RBFOX1: variants seen among roughly 807,000 people sequenced by gnomAD.
RBFOX1 encodes the protein RNA binding fox-1 homolog 1.
A neutral mutation model predicts 57.7 loss-of-function variants in RBFOX1; 8 were observed. The ratio of observed to expected loss-of-function variants is 0.14; its 90% CI spans 0.08 to 0.25. The LOEUF (loss-of-function observed/expected upper bound fraction) is 0.25, where lower values mean the gene tolerates loss of function less well. Ranked by LOEUF, RBFOX1 falls within the 10% of genes least tolerant of loss-of-function variation. The pLI is 1.00. For synonymous variants in RBFOX1, 326 were observed against 222.4 expected, an observed-to-expected ratio of 1.47 and a Z score of -4.15; for missense variants, 611 against 548.5, an observed-to-expected ratio of 1.11 and a Z score of -1.14.
At chr16:5,773,173 G>A (rs546378460) in intron 3 of RBFOX1, among the ~76,000 whole-genome samples, 2 of 152,310 alleles carry the variant, frequency 1.3e-5, no homozygotes, top group South Asian at 4.1e-4. Flanking sequence ...TATGCTGAAG[G>A]TAGACTTCAG....
At chr16:5,505,335 C>A (rs1205067950) in intron 2 of RBFOX1, among the ~76,000 whole-genome samples, 2 of 152,168 alleles carry the variant, frequency 1.3e-5, no homozygotes, top group Non-Finnish European at 2.9e-5. Flanking sequence ...CTGCTTGGTG[C>A]CTGTCGTCTT....
chr16:6,898,355 G>C (rs2067496424), intron 3 of RBFOX1, among the ~76,000 whole-genome samples: 1 of 152,146 alleles, frequency 6.6e-6, no homozygotes, highest in African/African-American at 2.4e-5. Context: ...AGAGCAGTCA[G>C]AGGTGAAGGC....
intron 9 of RBFOX1, among the ~76,000 whole-genome samples, chr16:7,602,091 T>C (rs764517084): frequency 1.3e-5 from 2 of 152,232 alleles, no homozygotes; most frequent in African/African-American, 2.4e-5. Context: ...TTCTTTGATA[T>C]GTAACCCAGC....
At chr16:6,002,941 A>G (rs1006586359) in intron 4 of RBFOX1, among the ~76,000 whole-genome samples, 6 of 152,146 alleles carry the variant, frequency 3.9e-5, no homozygotes, top group African/African-American at 1.4e-4. Flanking sequence ...AAGGTTGTAG[A>G]TCCTCTGACA....
At chr16:5,252,746 A>G (rs1350899028) in intron 1 of RBFOX1, among the ~76,000 whole-genome samples, 2 of 152,194 alleles carry the variant, frequency 1.3e-5, no homozygotes, top group Non-Finnish European at 2.9e-5. Context: ...GCCAGACAAG[A>G]TGGCAAACAG....
intron 10 of RBFOX1, among the ~76,000 whole-genome samples, chr16:7,621,677 G>A (rs530484477): frequency 6.6e-6 from 1 of 152,248 alleles, no homozygotes; most frequent in East Asian, 1.9e-4. Context: ...TAATTTTTTG[G>A]CAAGTATTGA....
chr16:7,407,478 G>C (rs2098365157), intron 4 of RBFOX1, among the ~76,000 whole-genome samples: 1 of 151,966 alleles, frequency 6.6e-6, no homozygotes, highest in Non-Finnish European at 1.5e-5. Flanking sequence ...AGACAGGTAT[G>C]ATTATCATCA....
intron 4 of RBFOX1, among the ~76,000 whole-genome samples, chr16:7,114,835 A>C (rs999428540): frequency 2.0e-5 from 3 of 152,184 alleles, no homozygotes; most frequent in Admixed American, 2.0e-4. Context: ...GTTTTCATGA[A>C]GCCAAATCGT....
intron 3 of RBFOX1, among the ~76,000 whole-genome samples, chr16:5,704,096 G>A (rs775598799): frequency 1.3e-5 from 2 of 152,126 alleles, no homozygotes; most frequent in Admixed American, 6.5e-5. Flanking sequence ...TGAACTGCTT[G>A]TTGGGCCAGT....
chr16:6,689,630 C>A (rs1314862632), intron 3 of RBFOX1, among the ~76,000 whole-genome samples: 1 of 152,110 alleles, frequency 6.6e-6, no homozygotes, highest in African/African-American at 2.4e-5. Flanking sequence ...TTTATATCTT[C>A]CTGAATGTAG....
At chr16:7,443,366 C>T (rs2098784127) in intron 4 of RBFOX1, among the ~76,000 whole-genome samples, 1 of 151,932 alleles carries the variant, frequency 6.6e-6, no homozygotes, top group African/African-American at 2.4e-5. Flanking sequence ...TCCTGTCTCA[C>T]ACACTCTCTT....
intron 14 of RBFOX1, among the ~76,000 whole-genome samples, chr16:7,699,543 G>A (rs954244443): frequency 6.6e-6 from 1 of 152,134 alleles, no homozygotes; most frequent in African/African-American, 2.4e-5. Context: ...ACTTGCTAAA[G>A]TTGTGTTCAC....
At chr16:5,664,504 A>C (rs573143676) in intron 3 of RBFOX1, among the ~76,000 whole-genome samples, 5 of 152,226 alleles carry the variant, frequency 3.3e-5, no homozygotes, top group Non-Finnish European at 7.4e-5. Flanking sequence ...CCGAGATTGC[A>C]TCACTGCACT....
At chr16:7,111,117 C>T (rs1190932897) in intron 4 of RBFOX1, among the ~76,000 whole-genome samples, 1 of 152,166 alleles carries the variant, frequency 6.6e-6, no homozygotes, top group Non-Finnish European at 1.5e-5. Context: ...TGGCCAATCT[C>T]ATTTTCCTAC....
At chr16:5,885,735 G>A (rs1173734811) in intron 4 of RBFOX1, among the ~76,000 whole-genome samples, 1 of 152,138 alleles carries the variant, frequency 6.6e-6, no homozygotes, top group Non-Finnish European at 1.5e-5. Context: ...TTTAGAGGCA[G>A]GAAGTGATTT....
At chr16:7,592,232 TAAAA>T (rs557513867) in intron 7 of RBFOX1, among the ~76,000 whole-genome samples, 1,938 of 152,242 alleles carry the variant, frequency 0.013, 32 homozygotes, top group Non-Finnish European at 0.02. Context: ...ATGAGAATAA[TAAAA>T]AAGAATGTAT....
intron 1 of RBFOX1, among the ~76,000 whole-genome samples, chr16:5,386,662 G>A (rs975467679): frequency 1.3e-5 from 2 of 151,960 alleles, no homozygotes; most frequent in Non-Finnish European, 1.5e-5. Context: ...CTTTACCCCC[G>A]GCAGACTCCC....
rs1034282979 is a variant in RBFOX1 at position 7,493,122 on chromosome 16, G to A, written c.28-25025G>A. 3.9e-5 allele frequency among the ~76,000 whole-genome samples: 6 copies of A among 152,092 alleles called. 1 individual carries two copies. The South Asian group carries it at 6.2e-4, about 16-fold the overall frequency. ...TCAAACTCCTGACCTTAGGGGATTC[G>A]CCCGCCTCTGCCTCCCAAAGTGCTG... On this transcript the variant is annotated intron_variant, in intron 4 of 15. Transcript: ENST00000550418.
chr16:6,810,847 A>G (rs1424914760), intron 3 of RBFOX1, among the ~76,000 whole-genome samples: 2 of 152,130 alleles, frequency 1.3e-5, no homozygotes, highest in African/African-American at 4.8e-5. Flanking sequence ...GGTCGCCATG[A>G]TCCAATCACA....
Sources: allele counts gnomAD v4.1 joint callset (sites outside exome capture counted in the v4.1 genomes callset), GRCh38; gene constraint gnomAD v4.1.1; transcripts MANE v1.5; gene names NCBI Gene and HGNC (gene_info 2026-07-23, HGNC 2026-07-21).